DPH6: variants seen among roughly 807,000 people sequenced by gnomAD.
The protein encoded by DPH6 is diphthine--ammonia ligase.
In DPH6, 33 loss-of-function variants were observed where a neutral mutation model predicts 38.2. The ratio of observed to expected loss-of-function variants is 0.86; its 90% CI spans 0.65 to 1.15. The LOEUF (loss-of-function observed/expected upper bound fraction) is 1.15, where lower values mean the gene tolerates loss of function less well. Ranked by LOEUF, DPH6 falls within the 50% of genes most tolerant of loss-of-function variation. DPH6 has a pLI of 0.00. For missense variants in DPH6, 325 were observed against 320.0 expected, an observed-to-expected ratio of 1.02 and a Z score of -0.12; for synonymous variants, 108 against 103.0, an observed-to-expected ratio of 1.05 and a Z score of -0.30.
chr15:35,406,054 T>C (rs929500646), intron 6 of DPH6, among the ~76,000 whole-genome samples: 1 of 152,050 alleles, frequency 6.6e-6, no homozygotes, highest in Non-Finnish European at 1.5e-5. Context: ...ATACACACTA[T>C]TTAAAAGAAA....
intron 3 of DPH6, among the ~76,000 whole-genome samples, chr15:35,310,823 G>A (rs1398036232): frequency 6.6e-6 from 1 of 151,778 alleles, no homozygotes; most frequent in Non-Finnish European, 1.5e-5. Flanking sequence ...GTCGAGGTTG[G>A]TGGATCACCT....
rs1264089558 is a variant in DPH6 at position 35,450,822 on chromosome 15, AAG to A, written c.387-21_387-20del. ...TTTACACCTACAAAAGAAAAAGAAA[AAG>A]AAAGTCAGATGATCTCTTAATGTTT... On this transcript the variant is annotated intron_variant, in intron 4 of 8. Coordinates refer to ENST00000256538, the MANE Select transcript of DPH6 (RefSeq NM_080650.4). 17 of 1,569,724 alleles carry A rather than the reference AAG, an allele frequency of 1.1e-5. No homozygotes were observed. Among genetic ancestry groups the A allele is most frequent in the African/African-American group, 1.4e-5 (1 of 73,228 alleles).
chr15:35,340,114 C>T (rs2052408756), intron 3 of DPH6, among the ~76,000 whole-genome samples: 1 of 152,156 alleles, frequency 6.6e-6, no homozygotes, highest in Non-Finnish European at 1.5e-5. Flanking sequence ...TTGAATCAAA[C>T]CCTTTACCAT....
At chr15:35,263,259 A>G (rs776674436) in intron 3 of DPH6, among the ~76,000 whole-genome samples, 9 of 152,184 alleles carry the variant, frequency 5.9e-5, no homozygotes, top group Non-Finnish European at 1.3e-4. Flanking sequence ...CCCTCCAGTG[A>G]GACTTTATAT....
At chr15:35,193,255 C>CAG in the DPH6 span, among the ~76,000 whole-genome samples, 1 of 151,418 alleles carries the variant, frequency 6.6e-6, no homozygotes, top group South Asian at 2.1e-4. Context: ...AATGCAAAGG[C>CAG]AGAGAGAGAG....
intron 3 of DPH6, among the ~76,000 whole-genome samples, chr15:35,226,333 C>T (rs1004341924): frequency 5.9e-5 from 9 of 152,026 alleles, no homozygotes; most frequent in African/African-American, 2.2e-4. Context: ...CTAATAAATA[C>T]CTTTACTCAG....
At chr15:35,183,923 A>G in the DPH6 span, among the ~76,000 whole-genome samples, 1 of 152,218 alleles carries the variant, frequency 6.6e-6, no homozygotes, top group Admixed American at 6.5e-5. Context: ...TAAACATTAA[A>G]ATCCTTTTCT....
chr15:35,437,243 C>G (rs1367439097), intron 5 of DPH6, among the ~76,000 whole-genome samples: 2 of 152,142 alleles, frequency 1.3e-5, no homozygotes, highest in African/African-American at 4.8e-5. Context: ...AGTAGCCATT[C>G]ATCTTCATTG....
the DPH6 span, among the ~76,000 whole-genome samples, chr15:35,152,848 CTTTGTTGTA>C: frequency 1.1e-3 from 165 of 152,220 alleles, 1 homozygote; most frequent in Non-Finnish European, 1.0e-4. Context: ...AAATAACGGG[CTTTGTTGTA>C]CTTAGTGGGA....
chr15:35,237,235 G>T, intron 3 of DPH6: 1 of 1,127,382 alleles, frequency 8.9e-7, no homozygotes, highest in Non-Finnish European at 1.3e-6. Context: ...GAACTGAGCG[G>T]AGCTGGTTGA....
chr15:35,424,201 T>C (rs554510054), intron 5 of DPH6, among the ~76,000 whole-genome samples: 2 of 151,318 alleles, frequency 1.3e-5, no homozygotes, highest in Admixed American at 1.3e-4. Context: ...AATATGGCTG[T>C]ATTTCCATTA....
At chr15:35,545,918 G>T (rs1198422470) in intron 1 of DPH6, among the ~76,000 whole-genome samples, 3 of 152,192 alleles carry the variant, frequency 2.0e-5, no homozygotes, top group Non-Finnish European at 2.9e-5. Context: ...CGACAGACAG[G>T]GAGGAGGCGC....
chr15:35,292,273 T>C (rs1406653291), intron 3 of DPH6, among the ~76,000 whole-genome samples: 1 of 152,180 alleles, frequency 6.6e-6, no homozygotes, highest in Admixed American at 6.5e-5. Flanking sequence ...TATTGTTACA[T>C]TAACCACATA....
chr15:35,533,866 G>C (rs1383824418), intron 3 of DPH6, among the ~76,000 whole-genome samples: 1 of 151,990 alleles, frequency 6.6e-6, no homozygotes, highest in African/African-American at 2.4e-5. Flanking sequence ...GCATGGAAGA[G>C]AACAGAGCCA....
chr15:35,241,107 G>A lies in DPH6; in HGVS notation n.201-20525C>T, dbSNP rs536309150. ...CGCAGCCCAGGATTCCTCCTAAGCC[G>A]TGTCCCATCTGTGCGGGACCCCACT... On this transcript the variant is annotated intron_variant and non_coding_transcript_variant, in intron 3 of 3. Coordinates refer to the DPH6 transcript ENST00000560386. Among the ~76,000 whole-genome samples, 234 of 137,580 alleles carry A rather than the reference G, an allele frequency of 1.7e-3. 31 individuals are homozygous for A. The highest frequency in any genetic ancestry group is 5.5e-3 in the African/African-American group (214 of 38,706). 90.3% of individuals were successfully genotyped at this position (137,580 alleles called of 152,430 possible).
intron 3 of DPH6, among the ~76,000 whole-genome samples, chr15:35,256,605 A>G (rs891125935): frequency 1.3e-5 from 2 of 152,216 alleles, no homozygotes; most frequent in Non-Finnish European, 2.9e-5. Context: ...TGTGTATATA[A>G]TGGAAAGTAC....
At chr15:35,499,198 T>C (rs2054594478) in intron 3 of DPH6, among the ~76,000 whole-genome samples, 1 of 152,152 alleles carries the variant, frequency 6.6e-6, no homozygotes, top group African/African-American at 2.4e-5. Flanking sequence ...CTACTACTTA[T>C]ATTTCTTTCC....
intron 3 of DPH6, among the ~76,000 whole-genome samples, chr15:35,239,763 T>G (rs1474498905): frequency 7.0e-6 from 1 of 142,654 alleles, no homozygotes; most frequent in African/African-American, 2.5e-5. Context: ...TCCTTCACCC[T>G]TAGCAGCAAG....
intron 5 of DPH6, among the ~76,000 whole-genome samples, chr15:35,442,415 C>T (rs1395110804): frequency 6.6e-6 from 1 of 152,164 alleles, no homozygotes; most frequent in Admixed American, 6.5e-5. Context: ...AACCCTCATT[C>T]ATTGCTAGTG....
Sources: allele counts gnomAD v4.1 joint callset (sites outside exome capture counted in the v4.1 genomes callset), GRCh38; gene constraint gnomAD v4.1.1; transcripts MANE v1.5; gene names NCBI Gene and HGNC (gene_info 2026-07-23, HGNC 2026-07-21).